Variants in R3HDM2 observed in about 807,000 individuals in gnomAD.
R3HDM2 encodes the protein R3H domain-containing protein 2.
A neutral mutation model predicts 124.5 loss-of-function variants in R3HDM2; 38 were observed. That is an observed-to-expected ratio of 0.31 (90% CI 0.24 to 0.40). The LOEUF (loss-of-function observed/expected upper bound fraction) is 0.40. Among genes scored for constraint, R3HDM2 ranks in the 10% least tolerant of loss-of-function variants. The pLI is 1.00. For missense variants in R3HDM2, 869 were observed against 1,236.9 expected (o/e 0.70, Z 4.46); for synonymous variants, 391 against 448.0 (o/e 0.87, Z 1.61).
chr12:57,382,750 G>A (rs1318267810), intron 2 of R3HDM2, among the ~76,000 whole-genome samples: 1 of 151,512 alleles, frequency 6.6e-6, no homozygotes, highest in African/African-American at 2.4e-5. Flanking sequence ...GCAGGAGAAT[G>A]GCTTGAACCC....
chr12:57,257,878 T>A (rs1157957016), intron 21 of R3HDM2, 112 bp downstream of exon 21: 2 of 1,182,004 alleles, frequency 1.7e-6, no homozygotes, highest in South Asian at 3.1e-5. Flanking sequence ...ACTCCCAGAA[T>A]TGGATCATCT....
chr12:57,394,529 T>C (rs954561290), intron 2 of R3HDM2, among the ~76,000 whole-genome samples: 7 of 152,126 alleles, frequency 4.6e-5, no homozygotes, highest in African/African-American at 1.7e-4. Flanking sequence ...TGAACTGAGA[T>C]GGCGCATGTA....
chr12:57,296,838 CG>C lies in R3HDM2; in HGVS notation c.561-288del, dbSNP rs1566020329. The C allele has an allele frequency of 1.1e-5, 3 of 274,568 alleles. No homozygotes were observed. The highest frequency in any genetic ancestry group is 1.4e-5 in the Non-Finnish European group (2 of 144,838). 17.0% of individuals were successfully genotyped at this position (274,568 alleles called of 1,614,324 possible). Reference sequence around the variant, plus strand: ...CAGCACTTTGGGAGGCCAAGGCAGGCGGATCAATTGAGTTCAGGAGTTCAAG... The same window carrying C: ...CAGCACTTTGGGAGGCCAAGGCAGGCGATCAATTGAGTTCAGGAGTTCAAG... On this transcript the variant is annotated intron_variant, in intron 8 of 23. Coordinates refer to ENST00000402412, the MANE Select transcript of R3HDM2 (RefSeq NM_001394031.1). The surrounding 1 kb of genome is among the most constrained non-coding windows in gnomAD (Gnocchi z 4.5).
chr12:57,284,931 C>T (rs546868919), intron 12 of R3HDM2, among the ~76,000 whole-genome samples: 5 of 152,276 alleles, frequency 3.3e-5, no homozygotes, highest in African/African-American at 1.2e-4. Context: ...CTCAAGATAG[C>T]CAGGTTGGCC....
Position 57,258,872 on chromosome 12 carries a change from G to C in R3HDM2, c.2301+18C>G, listed in dbSNP as rs368616255. 2 of 1,501,258 alleles carry C rather than the reference G, an allele frequency of 1.3e-6. No homozygotes were observed. The highest frequency in any genetic ancestry group is 2.8e-5 in the African/African-American group (2 of 70,192). 93.0% of individuals were successfully genotyped at this position (1,501,258 alleles called of 1,614,324 possible). A position where few individuals can be genotyped will look rare whatever the true frequency, so the allele number is the denominator to read the frequency against. On this transcript the variant is annotated intron_variant, in intron 20 of 23. Coordinates refer to ENST00000402412, the MANE Select transcript of R3HDM2 (RefSeq NM_001394031.1). ...ACGGTCATCTCCTTGCCAAGACAAG[G>C]CTGAGTGCTGCACTCACCTGGGGGC...
In R3HDM2 at chr12:57,420,630, C is replaced by A. The variant is rs183969929; in HGVS notation, c.-106+10090G>T. On this transcript the variant is annotated intron_variant, in intron 1 of 23. Transcript: ENST00000402412. ...GCCTAGGCCCATAGTATTGGGATTA[C>A]GGGCGTGAGCCACTGCGCCCAGGCT... Among the ~76,000 whole-genome samples the A allele has an allele frequency of 3.2e-4, 48 of 151,488 alleles. No individual in the cohort carries two copies. In the Middle Eastern group the frequency reaches 0.01, roughly 32 times the overall value.
chr12:57,404,962 A>G (rs1014983319), intron 1 of R3HDM2, among the ~76,000 whole-genome samples: 3 of 152,166 alleles, frequency 2.0e-5, no homozygotes, highest in Non-Finnish European at 4.4e-5. Context: ...TGAATCTTTA[A>G]GTAGGTTAAC....
chr12:57,417,883 A>G (rs1469821023), intron 1 of R3HDM2, among the ~76,000 whole-genome samples: 1 of 152,160 alleles, frequency 6.6e-6, no homozygotes. Context: ...TTAAAATCCA[A>G]TGCTATCAGG....
chr12:57,254,968 C>T lies in R3HDM2; in HGVS notation c.2778G>A (p.Gly926=), dbSNP rs2038462772. Residue 926 remains glycine (G), a synonymous_variant, in exon 24 of 24, where the codon GGG becomes GGA. Coordinates refer to ENST00000402412, the MANE Select transcript of R3HDM2 (RefSeq NM_001394031.1). The part of the protein sequence containing the change: ...DAQGLPGGGG[G]DNSGTAENGR... ...CATTCTCAGCAGTCCCACTGTTGTCCCCCCCACCCCCTCCAGGCAGCCCCT... is the reference window on the plus strand; with the variant it reads ...CATTCTCAGCAGTCCCACTGTTGTCTCCCCCACCCCCTCCAGGCAGCCCCT... 6.2e-7 allele frequency: 1 copy of T among 1,613,990 alleles called. No homozygotes were observed.
At chr12:57,323,399 T>C (rs182796445) in intron 2 of R3HDM2, among the ~76,000 whole-genome samples, 2 of 152,298 alleles carry the variant, frequency 1.3e-5, no homozygotes, top group Admixed American at 6.5e-5. Flanking sequence ...CATAAAGCTA[T>C]AGGTATATGA....
intron 12 of R3HDM2, among the ~76,000 whole-genome samples, chr12:57,285,018 C>T (rs1352858956): frequency 6.6e-6 from 1 of 152,142 alleles, no homozygotes; most frequent in East Asian, 1.9e-4. Context: ...TTCTTTCATA[C>T]CCCACATCCC....
intron 2 of R3HDM2, among the ~76,000 whole-genome samples, chr12:57,336,817 A>C (rs554122784): frequency 7.4e-5 from 9 of 121,854 alleles, no homozygotes; most frequent in Admixed American, 3.6e-4. Context: ...CCTAAAATAA[A>C]AGTTTAAAAA....
chr12:57,329,398 T>G lies in R3HDM2; in HGVS notation c.-35-18935A>C, dbSNP rs117612736. ...CTGTGTGACTACTGTTTCTACAACTTACTAATTATGTCACTGAGCCTCAGC... is the reference window on the plus strand; with the variant it reads ...CTGTGTGACTACTGTTTCTACAACTGACTAATTATGTCACTGAGCCTCAGC... On this transcript the variant is annotated intron_variant, in intron 2 of 23. Transcript: ENST00000402412. Among the ~76,000 whole-genome samples the G allele has an allele frequency of 5.5e-4, 84 of 152,320 alleles. 1 individual carries two copies. In the East Asian group the frequency reaches 0.011, roughly 20 times the overall value.
At chr12:57,260,839 C>T (rs544428082) in intron 19 of R3HDM2, among the ~76,000 whole-genome samples, 3 of 152,104 alleles carry the variant, frequency 2.0e-5, no homozygotes, top group Admixed American at 1.3e-4. Context: ...GGGAAGTGAG[C>T]GTGATTGTTT....
At chr12:57,373,515 T>C (rs2063629890) in intron 2 of R3HDM2, among the ~76,000 whole-genome samples, 1 of 148,068 alleles carries the variant, frequency 6.8e-6, no homozygotes, top group Admixed American at 6.7e-5. Context: ...AAAAATGTAA[T>C]AATAATAATA....
chr12:57,404,062 TAA>T lies in R3HDM2; in HGVS notation c.-105-8246_-105-8245del, dbSNP rs1410916269. On this transcript the variant is annotated intron_variant, in intron 1 of 23. Coordinates refer to ENST00000402412, the MANE Select transcript of R3HDM2 (RefSeq NM_001394031.1). ...AAATAAAATAAAAAAAGTCCACTCCTAATTTTTTTTTTTTTTTTTGAGATGGA... is the reference window on the plus strand; with the variant it reads ...AAATAAAATAAAAAAAGTCCACTCCTTTTTTTTTTTTTTTTTTGAGATGGA... Among the ~76,000 whole-genome samples the T allele has an allele frequency of 6.4e-5, 5 of 78,146 alleles. No homozygotes were observed. The South Asian group carries it at 1.6e-3, about 25-fold the overall frequency. The allele number at this position is 78,146 out of a possible 152,430, so 51.3% of individuals were successfully genotyped here. A position where few individuals can be genotyped will look rare whatever the true frequency, so the allele number is the denominator to read the frequency against.
chr12:57,411,921 TAGTC>T (rs979617037), intron 1 of R3HDM2, among the ~76,000 whole-genome samples: 1 of 152,218 alleles, frequency 6.6e-6, no homozygotes, highest in Admixed American at 6.5e-5. Context: ...GTTATTGTGA[TAGTC>T]AGCGAGTTCT....
At chr12:57,357,674 T>C (rs1411511939) in intron 2 of R3HDM2, among the ~76,000 whole-genome samples, 1 of 150,938 alleles carries the variant, frequency 6.6e-6, no homozygotes, top group Non-Finnish European at 1.5e-5. Flanking sequence ...GCTTTTTAGT[T>C]CATTAATTTT....
chr12:57,328,819 T>C (rs927286188), intron 2 of R3HDM2, among the ~76,000 whole-genome samples: 1 of 152,166 alleles, frequency 6.6e-6, no homozygotes, highest in Non-Finnish European at 1.5e-5. Flanking sequence ...CTGGCCAGAT[T>C]ATTCATTATT....
Sources: allele counts gnomAD v4.1 joint callset (sites outside exome capture counted in the v4.1 genomes callset), GRCh38; gene constraint gnomAD v4.1.1; non-coding constraint Gnocchi (gnomAD v3.1); transcripts MANE v1.5; gene names NCBI Gene and HGNC (gene_info 2026-07-23, HGNC 2026-07-21).